The following TPGS1 variants were observed in gnomAD, a reference collection of about 807,000 sequenced individuals.
The protein encoded by TPGS1 is gene trap ROSA b-geo 22.
A neutral mutation model predicts 11.9 loss-of-function variants in TPGS1; 18 were observed. The ratio of observed to expected loss-of-function variants is 1.51; its 90% CI spans 1.04 to 2.24. The LOEUF (loss-of-function observed/expected upper bound fraction) is 2.24. Ranked by LOEUF, TPGS1 falls within the 30% of genes most tolerant of loss-of-function variation. TPGS1 has a pLI of 0.00. For missense variants in TPGS1, 500 were observed against 443.0 expected (o/e 1.13, Z -1.16); for synonymous variants, 247 against 218.2 (o/e 1.13, Z -1.16).
chr19:509,757 CTG>C (rs1325744043), intron 1 of TPGS1: 1 of 152,462 alleles, frequency 6.6e-6, no homozygotes, highest in Non-Finnish European at 1.5e-5. Flanking sequence ...AGCTCTCAGT[CTG>C]AGGTTCTGGA....
Position 519,481 on chromosome 19 carries a change from C to T in TPGS1, c.*58C>T. Reference sequence around the variant, plus strand: ...CTGGGGGGTCCCCGCGTGCGGGGCGCGCGGAGCCTTCCCTTCGCCCTGGTG... The same window carrying T: ...CTGGGGGGTCCCCGCGTGCGGGGCGTGCGGAGCCTTCCCTTCGCCCTGGTG... On this transcript the variant is annotated 3_prime_UTR_variant, in exon 2 of 2. Transcript: ENST00000359315. 1 of 1,170,188 alleles carries T rather than the reference C, an allele frequency of 8.5e-7. No individual in the cohort carries two copies. The highest frequency in any genetic ancestry group is 1.1e-6 in the Non-Finnish European group (1 of 946,142). 72.5% of individuals were successfully genotyped at this position (1,170,188 alleles called of 1,614,324 possible).
intron 1 of TPGS1, 30 bp from the exon 2 acceptor site, chr19:518,859 T>TGCCGGCCCCC: frequency 6.7e-7 from 1 of 1,484,678 alleles, no homozygotes; most frequent in Non-Finnish European, 8.9e-7. Context: ...GCGCGGTCTC[T>TGCCGGCCCCC]GCCGGCCCCC....
intron 1 of TPGS1, among the ~76,000 whole-genome samples, chr19:517,723 A>G (rs1230880673): frequency 3.1e-4 from 2 of 6,552 alleles, no homozygotes; most frequent in Non-Finnish European, 4.9e-4. Context: ...TGCTGGGAGG[A>G]GGAGGCCGAG....
intron 1 of TPGS1, among the ~76,000 whole-genome samples, chr19:517,754 G>GA (rs1979002672): frequency 1.2e-5 from 1 of 85,264 alleles, no homozygotes; most frequent in Non-Finnish European, 2.4e-5. Flanking sequence ...GGCTGGGACG[G>GA]GGGAGGCCAG....
chr19:519,162 G>T lies in TPGS1; in HGVS notation c.612G>T (p.Leu204=), dbSNP rs770423748. The stretch of plus-strand genomic sequence containing the variant: ...CGCGCGCCGGCGCGCTCTTCCAGCT[G>T]CTGGAGGACTCGGCCGCCGCCGTGG... ...FVARAGALFQ[L]LEDSAAAVAD... The change falls in exon 2 of 2, where the codon CTG becomes CTT. Residue 204 remains leucine (L), a synonymous_variant. Transcript: ENST00000359315. 1.3e-6 allele frequency: 2 copies of T among 1,506,772 alleles called. No homozygotes were observed. Among genetic ancestry groups the T allele is most frequent in the South Asian group, 1.2e-5 (1 of 80,828 alleles). 93.3% of individuals were successfully genotyped at this position (1,506,772 alleles called of 1,614,324 possible). A position where few individuals can be genotyped will look rare whatever the true frequency, so the allele number is the denominator to read the frequency against.
intron 1 of TPGS1, among the ~76,000 whole-genome samples, chr19:513,349 G>T (rs1462046579): frequency 6.6e-6 from 1 of 152,216 alleles, no homozygotes; most frequent in Non-Finnish European, 1.5e-5. Flanking sequence ...GAAAAGGAGC[G>T]TACAGCCAGA....
chr19:518,938 G>C lies in TPGS1; in HGVS notation c.388G>C (p.Gly130Arg). 1 of 1,580,454 alleles carries C rather than the reference G, an allele frequency of 6.3e-7. No individual in the cohort carries two copies. Among genetic ancestry groups the C allele is most frequent in the Non-Finnish European group, 8.5e-7 (1 of 1,170,314 alleles). Reference protein sequence around the residue: ...VSVAYECLSAGGRRKRPGLDG... With the variant: ...VSVAYECLSARGRRKRPGLDG... ...CGTGGCCTACGAGTGCCTGAGCGCC[G>C]GCGGGCGCAGGAAGAGGCCGGGGCT... Residue 130 changes from glycine (G) to arginine (R), a missense_variant, in exon 2 of 2, where the codon GGC (glycine) becomes CGC (arginine). Coordinates refer to ENST00000359315, the MANE Select transcript of TPGS1 (RefSeq NM_033513.3).
chr19:518,518 C>A (rs1979036887), intron 1 of TPGS1, among the ~76,000 whole-genome samples: 1 of 70,012 alleles, frequency 1.4e-5, no homozygotes, highest in Non-Finnish European at 2.8e-5. Context: ...GGAGGAGAGG[C>A]CCAGGCTGGG....
chr19:507,568 G>A lies in TPGS1; in HGVS notation c.62G>A (p.Gly21Asp), dbSNP rs926670847. The A allele has an allele frequency of 1.3e-5, 18 of 1,393,248 alleles. No homozygotes were observed. Among genetic ancestry groups the A allele is most frequent in the Admixed American group, 3.4e-5 (1 of 29,046 alleles). The allele number at this position is 1,393,248 out of a possible 1,614,324, so 86.3% of individuals were successfully genotyped here. Reference sequence around the variant, plus strand: ...CCGCCGGCCGGTTTCACGGACAGCGGCCGCCAGTCGGTATCCCGGGCGGCG... The same window carrying A: ...CCGCCGGCCGGTTTCACGGACAGCGACCGCCAGTCGGTATCCCGGGCGGCG... ...VPPPAGFTDS[G>D]RQSVSRAAGA... is the part of the protein sequence containing the mutation. The change falls in exon 1 of 2, where the codon GGC (glycine) becomes GAC (aspartate). Residue 21 changes from glycine to aspartate, a missense_variant. Gly to Asp is a moderately conservative substitution (Grantham distance 94). Coordinates refer to ENST00000359315, the MANE Select transcript of TPGS1 (RefSeq NM_033513.3).
In TPGS1 at chr19:519,059, G is replaced by A; in HGVS notation, c.509G>A (p.Cys170Tyr). 1.3e-6 allele frequency: 2 copies of A among 1,540,866 alleles called. No homozygotes were observed. The highest frequency in any genetic ancestry group is 1.7e-6 in the Non-Finnish European group (2 of 1,149,914). The part of the protein sequence containing the change: ...VVAPLLRKVQ[C>Y]RDHEAVPLSV... ...GCGCCGCTGCTGCGCAAGGTGCAGT[G>A]CCGTGACCACGAGGCGGTGCCGCTG... is the stretch of plus-strand genomic sequence containing the variant. The change falls in exon 2 of 2, where the codon TGC (cysteine) becomes TAC (tyrosine). Residue 170 changes from cysteine to tyrosine, a missense_variant. Cys to Tyr is a radical substitution (Grantham distance 194). Transcript: ENST00000359315.
chr19:507,530 G>A lies in TPGS1; in HGVS notation c.24G>A (p.Arg8=). 1 of 1,421,356 alleles carries A rather than the reference G, an allele frequency of 7.0e-7. No homozygotes were observed. Among genetic ancestry groups the A allele is most frequent in the Non-Finnish European group, 9.2e-7 (1 of 1,083,794 alleles). The allele number at this position is 1,421,356 out of a possible 1,614,324, so 88.0% of individuals were successfully genotyped here. MAAVEKR[R]QAVPPPAGFT... ...AGATGGCGGCAGTGGAGAAGCGGCG[G>A]CAAGCGGTACCACCGCCGGCCGGTT... Residue 8 remains arginine, a synonymous_variant, in exon 1 of 2, where the codon CGG becomes CGA. Transcript: ENST00000359315.
Position 507,764 on chromosome 19 carries a change from GC to G in TPGS1, c.263del (p.Pro88ArgfsTer33). On this transcript the variant is annotated frameshift_variant, in exon 1 of 2. Transcript: ENST00000359315. LOFTEE classifies it high-confidence loss of function. ...CGCCTGTAAACGGCGGCGCCGGGGA[GC>G]CCCCGGGCCAGCTCCTGCTGCAGCA... ...RSPVNGGAGE[P>X]PGQLLLQQQR... 6 of 1,390,864 alleles carry G rather than the reference GC, an allele frequency of 4.3e-6. No homozygotes were observed. Among genetic ancestry groups the G allele is most frequent in the South Asian group, 1.6e-5 (1 of 63,024 alleles). 86.2% of individuals were successfully genotyped at this position (1,390,864 alleles called of 1,614,324 possible).
At chr19:515,676 T>TG (rs1478714127) in intron 1 of TPGS1, among the ~76,000 whole-genome samples, 1 of 151,782 alleles carries the variant, frequency 6.6e-6, no homozygotes, top group Non-Finnish European at 1.5e-5. Flanking sequence ...AGGTGGAGGT[T>TG]GCTGTGAGCT....
At chr19:518,683 G>A (rs912169700) in intron 1 of TPGS1, among the ~76,000 whole-genome samples, 3 of 144,608 alleles carry the variant, frequency 2.1e-5, no homozygotes, top group Non-Finnish European at 4.6e-5. Context: ...CCCTAGCTGG[G>A]AGAAGGGAGG....
intron 1 of TPGS1, among the ~76,000 whole-genome samples, chr19:513,423 T>C (rs1187703997): frequency 6.6e-6 from 1 of 152,134 alleles, no homozygotes; most frequent in Admixed American, 6.5e-5. Flanking sequence ...TCCTCCTCCA[T>C]AGCAGAGCTT....
intron 1 of TPGS1, 149 bp from the exon 2 acceptor site, chr19:518,740 G>A (rs1311323311): frequency 2.4e-6 from 2 of 823,134 alleles, no homozygotes; most frequent in African/African-American, 1.9e-5. Flanking sequence ...GAGGAGGAGG[G>A]GAGGCCGGGG....
chr19:515,345 G>C (rs533221672), intron 1 of TPGS1, among the ~76,000 whole-genome samples: 70 of 150,350 alleles, frequency 4.7e-4, no homozygotes, highest in Non-Finnish European at 8.0e-4. Context: ...AGGCTGCTGT[G>C]AGCCCTGATT....
intron 1 of TPGS1, among the ~76,000 whole-genome samples, chr19:514,856 A>G (rs1326757450): frequency 6.6e-6 from 1 of 152,210 alleles, no homozygotes; most frequent in African/African-American, 2.4e-5. Flanking sequence ...AGGGTCCTGC[A>G]GCGGCCCCCA....
Position 518,993 on chromosome 19 carries a change from G to A in TPGS1, c.443G>A (p.Arg148Lys), listed in dbSNP as rs1281675198. The A allele has an allele frequency of 2.5e-6, 4 of 1,579,942 alleles. No individual in the cohort carries two copies. In the Admixed American group the frequency reaches 7.0e-5, roughly 28 times the overall value. Residue 148 changes from arginine to lysine, a missense_variant, in exon 2 of 2, where the codon AGG becomes AAG. Physicochemically the swap from Arg to Lys is conservative, Grantham distance 26 (BLOSUM62 2). Coordinates refer to ENST00000359315, the MANE Select transcript of TPGS1 (RefSeq NM_033513.3). Reference sequence around the variant, plus strand: ...GGGCGCACCTACAGCGAGCTGCTCAGGCGCATCTGCCGGGACGGCCAAGCC... The same window carrying A: ...GGGCGCACCTACAGCGAGCTGCTCAAGCGCATCTGCCGGGACGGCCAAGCC... ...LDGRTYSELLRRICRDGQAPE... is the reference protein window; with the variant it reads ...LDGRTYSELLKRICRDGQAPE...
Sources: gnomAD v4.1 joint callset for allele counts (sites outside exome capture counted in the v4.1 genomes callset) on GRCh38, gnomAD v4.1.1 for gene constraint, MANE v1.5 for transcripts, NCBI Gene and HGNC (gene_info 2026-07-23, HGNC 2026-07-21) for gene names.